The following ADGRA3 variants were observed in gnomAD, a reference collection of about 807,000 sequenced individuals.
ADGRA3 encodes the protein G-protein coupled receptor 125.
A neutral mutation model predicts 119.8 loss-of-function variants in ADGRA3; 56 were observed. That is an observed-to-expected ratio of 0.47 (90% CI 0.38 to 0.58). ADGRA3 has a LOEUF of 0.58. ADGRA3 is among the 20% of genes least tolerant of loss of function. The pLI is 0.00. For synonymous variants in ADGRA3, 607 were observed against 623.8 expected (o/e 0.97, Z 0.40); for missense variants, 1,516 against 1,649.0 (o/e 0.92, Z 1.40).
intron 12 of ADGRA3, among the ~76,000 whole-genome samples, chr4:22,418,762 G>A (rs541599597): frequency 6.6e-6 from 1 of 152,132 alleles, no homozygotes; most frequent in South Asian, 2.1e-4. Flanking sequence ...AATCAGAACA[G>A]CCTGCACAGA....
At chr4:22,427,482 T>C (rs1457904213) in intron 10 of ADGRA3, among the ~76,000 whole-genome samples, 1 of 151,680 alleles carries the variant, frequency 6.6e-6, no homozygotes, top group African/African-American at 2.4e-5. Flanking sequence ...ACAACAAATA[T>C]CTCTAAGAAG....
At chr4:22,410,415 A>G (rs1380912600) in intron 14 of ADGRA3, among the ~76,000 whole-genome samples, 3 of 152,142 alleles carry the variant, frequency 2.0e-5, no homozygotes, top group African/African-American at 4.8e-5. Flanking sequence ...CTGGCTCCCA[A>G]TGAGACCTTA....
At chr4:22,408,049 AGAC>A (rs1389753621) in intron 14 of ADGRA3, among the ~76,000 whole-genome samples, 1 of 152,116 alleles carries the variant, frequency 6.6e-6, no homozygotes, top group Non-Finnish European at 1.5e-5. Flanking sequence ...AAATGTTAAA[AGAC>A]GACTATGACT....
At chr4:22,414,308 G>GTT (rs1560304482) in intron 12 of ADGRA3, 1 of 300,714 alleles carries the variant, frequency 3.3e-6, no homozygotes, top group Non-Finnish European at 6.1e-6. Flanking sequence ...CATAATAGAG[G>GTT]TTTAGATTCA....
chr4:22,440,238 G>A lies in ADGRA3; in HGVS notation c.921-1818C>T, dbSNP rs182486142. On this transcript the variant is annotated intron_variant, in intron 7 of 18. Transcript: ENST00000334304. ...ATCTCCAAATCTGCAAATGTTTCCT[G>A]GATAACTTTTAGCAATACTTTTAAT... 7.2e-5 allele frequency among the ~76,000 whole-genome samples: 11 copies of A among 152,036 alleles called. No homozygotes were observed. The South Asian group carries it at 2.1e-3, about 29-fold the overall frequency.
intron 14 of ADGRA3, among the ~76,000 whole-genome samples, chr4:22,403,063 G>A (rs926753378): frequency 6.6e-6 from 1 of 152,016 alleles, no homozygotes; most frequent in African/African-American, 2.4e-5. Context: ...CTGCTATGAG[G>A]GTAAAAGAGA....
Position 22,447,485 on chromosome 4 carries a change from G to A in ADGRA3, c.500C>T (p.Ser167Leu). 1 of 1,577,858 alleles carries A rather than the reference G, an allele frequency of 6.3e-7. No individual in the cohort carries two copies. The highest frequency in any genetic ancestry group is 8.6e-7 in the Non-Finnish European group (1 of 1,164,294). The change falls in exon 5 of 19, where the codon TCA becomes TTA. Residue 167 changes from serine to leucine, a missense_variant. Physicochemically the swap from Ser to Leu is moderately radical, Grantham distance 145. Transcript: ENST00000334304. ...RLNLSGNLFSSLSQGTFDYLA... is the reference protein window; with the variant it reads ...RLNLSGNLFSLLSQGTFDYLA... ...ATAATCAAAAGTTCCTTGAGATAAT[G>A]AAGAAAACAAATTCCCCGAAAGGTT...
At chr4:22,394,328 G>T (rs894177668) in intron 16 of ADGRA3, 1 of 152,192 alleles carries the variant, frequency 6.6e-6, no homozygotes, top group Non-Finnish European at 1.5e-5. Context: ...GATAAACCTT[G>T]CAGTGGCTCT....
At chr4:22,400,210 C>T (rs1181479527) in intron 16 of ADGRA3, among the ~76,000 whole-genome samples, 1 of 152,060 alleles carries the variant, frequency 6.6e-6, no homozygotes, top group East Asian at 1.9e-4. Context: ...AAGGGTTAGA[C>T]ATTAAAATCA....
intron 1 of ADGRA3, among the ~76,000 whole-genome samples, chr4:22,488,482 G>C (rs1174630244): frequency 6.6e-6 from 1 of 152,200 alleles, no homozygotes; most frequent in African/African-American, 2.4e-5. Context: ...CCAGGCTTCA[G>C]GGGGCTGGGA....
intron 7 of ADGRA3, among the ~76,000 whole-genome samples, chr4:22,440,129 G>A (rs981429351): frequency 6.6e-6 from 1 of 152,070 alleles, no homozygotes; most frequent in Non-Finnish European, 1.5e-5. Context: ...CACTTGCTTT[G>A]TACCACAGTA....
intron 3 of ADGRA3, among the ~76,000 whole-genome samples, chr4:22,459,287 A>T (rs1195796887): frequency 2.0e-5 from 3 of 152,118 alleles, no homozygotes; most frequent in African/African-American, 4.8e-5. Context: ...ATGGATACAT[A>T]GAGGGAACAA....
Position 22,402,982 on chromosome 4 carries a change from T to C in ADGRA3, c.2233-183A>G, listed in dbSNP as rs150714304. ...TGTTACTTTGCTTTCCTAACTTCTA[T>C]GGTGTTAACTGCTTACGGCATACCC... On this transcript the variant is annotated intron_variant, in intron 14 of 18. Coordinates refer to ENST00000334304, the MANE Select transcript of ADGRA3 (RefSeq NM_145290.4). Among the ~76,000 whole-genome samples the C allele has an allele frequency of 9.0e-3, 1,374 of 152,300 alleles. 43 individuals carry two copies. Among genetic ancestry groups the C allele is most frequent in the South Asian group, 0.057 (275 of 4,828 alleles).
At chr4:22,489,716 T>C (rs1194983970) in intron 1 of ADGRA3, among the ~76,000 whole-genome samples, 1 of 152,166 alleles carries the variant, frequency 6.6e-6, no homozygotes, top group East Asian at 1.9e-4. Context: ...CATCACTCGG[T>C]TTCAATATCT....
intron 1 of ADGRA3, among the ~76,000 whole-genome samples, chr4:22,496,234 TG>T (rs1464978509): frequency 6.6e-6 from 1 of 152,136 alleles, no homozygotes; most frequent in African/African-American, 2.4e-5. Context: ...GGACAGGCTC[TG>T]GAGTTGGGCT....
chr4:22,492,436 AAT>A (rs1351685835), intron 1 of ADGRA3, among the ~76,000 whole-genome samples: 1 of 152,206 alleles, frequency 6.6e-6, no homozygotes, highest in African/African-American at 2.4e-5. Context: ...TCATGTATTT[AAT>A]TACAAAGATT....
intron 12 of ADGRA3, among the ~76,000 whole-genome samples, chr4:22,415,579 A>G (rs919104170): frequency 1.3e-5 from 2 of 152,162 alleles, no homozygotes; most frequent in African/African-American, 4.8e-5. Flanking sequence ...AAAGTTCAAA[A>G]TCGTGATAAA....
In ADGRA3 at chr4:22,420,893, G is replaced by A. The variant is rs554426046; in HGVS notation, c.1802C>T (p.Ala601Val). Residue 601 changes from alanine (A) to valine (V), a missense_variant, in exon 12 of 19, where the codon GCA (alanine) becomes GTA (valine). By Grantham distance (64) the Ala-to-Val change is moderately conservative (BLOSUM62 0). This residue lies in a region of ADGRA3 where 1,088 missense variants were observed against 1,107.1 expected (regional missense o/e 0.98). Coordinates refer to ENST00000334304, the MANE Select transcript of ADGRA3 (RefSeq NM_145290.4). Reference protein sequence around the residue: ...CNVSNTFSSLALKNTIVEASI... With the variant: ...CNVSNTFSSLVLKNTIVEASI... ...TTGCAGAATGTAACATACCTTTAGT[G>A]CCAGACTCGAAAATGTATTTGAAAC... 3.7e-6 allele frequency: 6 copies of A among 1,613,312 alleles called. No homozygotes were observed. The African/African-American group carries it at 4.0e-5, about 11-fold the overall frequency.
chr4:22,484,527 C>T (rs1364890708), intron 1 of ADGRA3, among the ~76,000 whole-genome samples: 3 of 151,680 alleles, frequency 2.0e-5, no homozygotes, highest in Non-Finnish European at 4.4e-5. Flanking sequence ...ATCGCTTGAG[C>T]CCTGAGGGTG....
Sources: gnomAD v4.1 joint callset for allele counts (sites outside exome capture counted in the v4.1 genomes callset) on GRCh38, gnomAD v4.1.1 for gene constraint, gnomAD v4.1.1 regional missense constraint, MANE v1.5 for transcripts, NCBI Gene and HGNC (gene_info 2026-07-23, HGNC 2026-07-21) for gene names.